ADAMTS9: variants seen among roughly 807,000 people sequenced by gnomAD.
ADAMTS9 encodes ADAM metallopeptidase with thrombospondin type 1 motif 9.
ADAMTS9 carries 107 observed loss-of-function variants against 257.1 expected under a neutral mutation model. The observed-to-expected ratio is 0.42, with a 90% CI of 0.36 to 0.49. ADAMTS9 has a LOEUF of 0.49. Among genes scored for constraint, ADAMTS9 ranks in the 20% least tolerant of loss-of-function variants. ADAMTS9 has a pLI of 0.03. For synonymous variants in ADAMTS9, 982 were observed against 880.9 expected (o/e 1.11, Z -2.03); for missense variants, 2,353 against 2,469.1 (o/e 0.95, Z 1.00).
chr3:64,621,793 TAAAAAG>T lies in ADAMTS9; in HGVS notation c.2686+399_2686+404del, dbSNP rs1211947471. Among the ~76,000 whole-genome samples the T allele has an allele frequency of 1.7e-4, 24 of 140,150 alleles. No individual in the cohort carries two copies. In the East Asian group the frequency reaches 2.1e-3, roughly 12 times the overall value. 91.9% of individuals were successfully genotyped at this position (140,150 alleles called of 152,430 possible). ...ATAAAAAAATAAAAAAATAAAAAAA[TAAAAAG>T]AAAAGAAAAAGAAAAAAAAGGTAGG... On this transcript the variant is annotated intron_variant, in intron 18 of 39. Coordinates refer to ENST00000498707, the MANE Select transcript of ADAMTS9 (RefSeq NM_182920.2).
intron 39 of ADAMTS9, among the ~76,000 whole-genome samples, chr3:64,517,416 G>GTTTTTTTTTTTTTTTTGTTTTTTTTTTT (rs2082790000): frequency 3.8e-5 from 2 of 52,638 alleles, no homozygotes; most frequent in African/African-American, 5.3e-5. Context: ...ATTAAAAATG[G>GTTTTTTTTTTTTTTTTGTTTTTTTTTTT]TTTTTTTTTT....
chr3:64,571,761 G>T (rs1287915573), intron 28 of ADAMTS9, among the ~76,000 whole-genome samples: 3 of 152,202 alleles, frequency 2.0e-5, no homozygotes, highest in Non-Finnish European at 4.4e-5. Flanking sequence ...AAGAAAAGCA[G>T]CTGCTCGTGG....
intron 19 of ADAMTS9, 103 bp downstream of exon 19, chr3:64,621,011 G>A (rs1700089722): frequency 2.9e-6 from 4 of 1,387,434 alleles, no homozygotes; most frequent in Admixed American, 4.6e-5. Context: ...CACAAGAAAG[G>A]GGAACTAAAG....
intron 37 of ADAMTS9, among the ~76,000 whole-genome samples, chr3:64,538,430 T>C (rs1270258986): frequency 6.6e-6 from 1 of 151,788 alleles, no homozygotes; most frequent in East Asian, 1.9e-4. Context: ...ATTGGTTTCA[T>C]GCTTACTCTG....
At chr3:64,562,974 G>C (rs901718666) in intron 29 of ADAMTS9, 1 of 152,208 alleles carries the variant, frequency 6.6e-6, no homozygotes, top group African/African-American at 2.4e-5. Context: ...ATCTATGCCA[G>C]AGAGGAGAAC....
chr3:64,665,258 C>T (rs891893499), intron 3 of ADAMTS9, among the ~76,000 whole-genome samples: 1 of 152,138 alleles, frequency 6.6e-6, no homozygotes, highest in Non-Finnish European at 1.5e-5. Flanking sequence ...CGTCGATGCT[C>T]ACAAAAGGGA....
chr3:64,639,783 A>G lies in ADAMTS9; in HGVS notation c.1856+2065T>C, dbSNP rs889538872. Among the ~76,000 whole-genome samples, 5 of 152,334 alleles carry G rather than the reference A, an allele frequency of 3.3e-5. No homozygotes were observed. The East Asian group carries it at 7.7e-4, about 24-fold the overall frequency. On this transcript the variant is annotated intron_variant, in intron 12 of 39. Coordinates refer to ENST00000498707, the MANE Select transcript of ADAMTS9 (RefSeq NM_182920.2). ...TACAAGGTTTTCTTTTAAAGCTTCA[A>G]CAATACAAGCAACAAGGATGCATAG...
intron 22 of ADAMTS9, among the ~76,000 whole-genome samples, chr3:64,608,461 A>G (rs2084603926): frequency 6.6e-6 from 1 of 152,066 alleles, no homozygotes; most frequent in Admixed American, 6.6e-5. Flanking sequence ...AATATCAGAA[A>G]TGAAGGAGGG....
chr3:64,615,679 T>C (rs979576533), intron 20 of ADAMTS9, among the ~76,000 whole-genome samples, 194 bp from the exon 21 acceptor site: 1 of 152,172 alleles, frequency 6.6e-6, no homozygotes, highest in African/African-American at 2.4e-5. Flanking sequence ...AATTAGCTCA[T>C]TGGCATATAA....
chr3:64,597,045 A>C, intron 26 of ADAMTS9, 54 bp from the exon 27 acceptor site: 2 of 1,603,488 alleles, frequency 1.2e-6, no homozygotes, highest in Non-Finnish European at 1.7e-6. Flanking sequence ...TCTTAGGGAC[A>C]CAGAAGCAGC....
chr3:64,619,272 G>C (rs958560427), intron 19 of ADAMTS9, among the ~76,000 whole-genome samples: 1 of 152,164 alleles, frequency 6.6e-6, no homozygotes, highest in Middle Eastern at 3.4e-3. Flanking sequence ...CAGGTAAGGG[G>C]CTCCAAGCAA....
At chr3:64,524,464 T>A (rs1253644861) in intron 38 of ADAMTS9, among the ~76,000 whole-genome samples, 1 of 152,166 alleles carries the variant, frequency 6.6e-6, no homozygotes, top group Non-Finnish European at 1.5e-5. Flanking sequence ...ATACATAATA[T>A]CTCATTTCAC....
intron 28 of ADAMTS9, among the ~76,000 whole-genome samples, chr3:64,591,594 C>T (rs778892978): frequency 6.6e-6 from 1 of 152,190 alleles, no homozygotes; most frequent in African/African-American, 2.4e-5. Context: ...GAACCAATGG[C>T]TGATCTAAGA....
At chr3:64,626,401 A>G (rs1310637184) in intron 16 of ADAMTS9, among the ~76,000 whole-genome samples, 5 of 152,222 alleles carry the variant, frequency 3.3e-5, no homozygotes, top group Non-Finnish European at 7.3e-5. Context: ...TCTTGTATAC[A>G]AATAGAAACT....
At chr3:64,545,788 G>A (rs769615028) in intron 32 of ADAMTS9, among the ~76,000 whole-genome samples, 65 of 152,124 alleles carry the variant, frequency 4.3e-4, no homozygotes, top group Non-Finnish European at 7.4e-4. Context: ...AGTAGAGACA[G>A]GATGTCACCA....
chr3:64,519,606 G>T (rs1230984148), intron 39 of ADAMTS9, among the ~76,000 whole-genome samples: 1 of 152,072 alleles, frequency 6.6e-6, no homozygotes, highest in African/African-American at 2.4e-5. Flanking sequence ...TACCATGATC[G>T]AGTGGACTTT....
chr3:64,596,517 C>T (rs1170227087), intron 27 of ADAMTS9, among the ~76,000 whole-genome samples: 3 of 152,054 alleles, frequency 2.0e-5, no homozygotes, highest in Non-Finnish European at 4.4e-5. Flanking sequence ...TTCCATGGAC[C>T]GATTTAACAC....
chr3:64,649,009 C>T lies in ADAMTS9; in HGVS notation c.1605+628G>A, dbSNP rs139100421. Among the ~76,000 whole-genome samples, 10 of 152,188 alleles carry T rather than the reference C, an allele frequency of 6.6e-5. No individual in the cohort carries two copies. In the South Asian group the frequency reaches 1.0e-3, roughly 16 times the overall value. On this transcript the variant is annotated intron_variant, in intron 10 of 39. Coordinates refer to ENST00000498707, the MANE Select transcript of ADAMTS9 (RefSeq NM_182920.2). ...AGCAAAAGAAACACACATACGCCAC[C>T]CCAAAGAGACAGAATGGGCCACCCC...
Position 64,540,953 on chromosome 3 carries a change from A to G in ADAMTS9, c.5521+142T>C, listed in dbSNP as rs376339646. The G allele has an allele frequency of 3.1e-4, 378 of 1,224,220 alleles. 1 individual carries two copies. The highest frequency in any genetic ancestry group is 2.3e-3 in the African/African-American group (153 of 65,438). The allele number at this position is 1,224,220 out of a possible 1,614,324, so 75.8% of individuals were successfully genotyped here. A position where few individuals can be genotyped will look rare whatever the true frequency, so the allele number is the denominator to read the frequency against. ...ATCCTCGCTGCACTGTAAGCTCCCA[A>G]TGTTCTTCCTCTCCATACTAGCCAA... On this transcript the variant is annotated intron_variant, in intron 36 of 39. Transcript: ENST00000498707.
Sources: allele counts gnomAD v4.1 joint callset (sites outside exome capture counted in the v4.1 genomes callset), GRCh38; gene constraint gnomAD v4.1.1; transcripts MANE v1.5; gene names NCBI Gene and HGNC (gene_info 2026-07-23, HGNC 2026-07-21).